RPS6KC1: variants seen among roughly 807,000 people sequenced by gnomAD.
RPS6KC1 encodes ribosomal protein S6 kinase C1.
RPS6KC1 carries 54 observed loss-of-function variants against 103.8 expected under a neutral mutation model. The ratio of observed to expected loss-of-function variants is 0.52; its 90% CI spans 0.42 to 0.65. RPS6KC1 has a LOEUF of 0.65. Ranked by LOEUF, RPS6KC1 falls within the 30% of genes least tolerant of loss-of-function variation. The probability of loss-of-function intolerance (pLI) is 0.00; values close to 1 mark genes in which losing one functional copy is unlikely to be tolerated. For synonymous variants in RPS6KC1, 439 were observed against 438.7 expected, an observed-to-expected ratio of 1.00 and a Z score of -0.01; for missense variants, 1,151 against 1,253.8, an observed-to-expected ratio of 0.92 and a Z score of 1.24.
the RPS6KC1 span, among the ~76,000 whole-genome samples, chr1:213,482,090 G>A: frequency 2.6e-5 from 4 of 152,180 alleles, no homozygotes; most frequent in South Asian, 2.1e-4. Context: ...CCCCAGAAGC[G>A]AAGTGAATGC....
the RPS6KC1 span, among the ~76,000 whole-genome samples, chr1:213,420,166 G>A: frequency 7.2e-5 from 11 of 152,200 alleles, no homozygotes; most frequent in Admixed American, 5.9e-4. Context: ...AAGAGGAAAT[G>A]TGGCTTCCCA....
chr1:213,744,308 AAAAAT>A, the RPS6KC1 span, among the ~76,000 whole-genome samples: 12 of 152,206 alleles, frequency 7.9e-5, no homozygotes, highest in African/African-American at 2.9e-4. Flanking sequence ...ATGATATAAA[AAAAAT>A]AAAAAAAACC....
At chr1:213,713,840 T>C in the RPS6KC1 span, among the ~76,000 whole-genome samples, 2 of 152,212 alleles carry the variant, frequency 1.3e-5, no homozygotes, top group Non-Finnish European at 2.9e-5. Flanking sequence ...TACAGACATA[T>C]TTTGCATTTC....
the RPS6KC1 span, among the ~76,000 whole-genome samples, chr1:213,709,783 A>T: frequency 6.6e-6 from 1 of 152,220 alleles, no homozygotes; most frequent in Non-Finnish European, 1.5e-5. Context: ...TTTACCCAGT[A>T]GTCATTCAGG....
chr1:213,794,131 C>T, the RPS6KC1 span, among the ~76,000 whole-genome samples: 5 of 152,138 alleles, frequency 3.3e-5, no homozygotes, highest in African/African-American at 1.2e-4. Flanking sequence ...ATAAATGCAA[C>T]AATGCAAATA....
chr1:213,063,159 G>T (rs1270850337), intron 1 of RPS6KC1, among the ~76,000 whole-genome samples: 3 of 152,142 alleles, frequency 2.0e-5, no homozygotes, highest in East Asian at 3.8e-4. Context: ...CAAGCCCCTT[G>T]TTTATTTTCT....
At chr1:213,329,528 A>G in the RPS6KC1 span, among the ~76,000 whole-genome samples, 2 of 151,852 alleles carry the variant, frequency 1.3e-5, no homozygotes, top group East Asian at 1.9e-4. Context: ...ACACCACCAG[A>G]TAGAGCCTTC....
At chr1:213,162,694 T>A (rs2090596604) in intron 6 of RPS6KC1, among the ~76,000 whole-genome samples, 1 of 152,248 alleles carries the variant, frequency 6.6e-6, no homozygotes, top group Non-Finnish European at 1.5e-5. Context: ...CTAAGAACAC[T>A]GTCTCTGTAG....
chr1:213,103,518 G>T (rs942653710), intron 3 of RPS6KC1, among the ~76,000 whole-genome samples: 1 of 152,084 alleles, frequency 6.6e-6, no homozygotes, highest in Non-Finnish European at 1.5e-5. Flanking sequence ...TTTAGTTATC[G>T]TGAAATAGAC....
chr1:213,808,210 G>T, the RPS6KC1 span, among the ~76,000 whole-genome samples: 1 of 152,162 alleles, frequency 6.6e-6, no homozygotes, highest in Admixed American at 6.5e-5. Flanking sequence ...TCCCAGTTAG[G>T]CTGCTCAGGG....
At chr1:213,597,966 T>A in the RPS6KC1 span, among the ~76,000 whole-genome samples, 31 of 152,192 alleles carry the variant, frequency 2.0e-4, no homozygotes, top group African/African-American at 6.7e-4. Context: ...AATCTCAGGG[T>A]TGTTTGAAAA....
chr1:213,392,215 T>C, the RPS6KC1 span, among the ~76,000 whole-genome samples: 1 of 152,132 alleles, frequency 6.6e-6, no homozygotes, highest in Non-Finnish European at 1.5e-5. Context: ...GCAGAACCGA[T>C]GGTCTGCTTC....
At chr1:213,736,047 C>T in the RPS6KC1 span, among the ~76,000 whole-genome samples, 4 of 152,210 alleles carry the variant, frequency 2.6e-5, no homozygotes, top group Admixed American at 2.6e-4. Context: ...ATGCCAGGAG[C>T]AGACCTCATC....
the RPS6KC1 span, among the ~76,000 whole-genome samples, chr1:213,633,484 A>G: frequency 6.6e-6 from 1 of 152,222 alleles, no homozygotes; most frequent in Non-Finnish European, 1.5e-5. Context: ...AATCCTTTAC[A>G]GACAAGCAAA....
chr1:213,764,834 G>A, the RPS6KC1 span, among the ~76,000 whole-genome samples: 1 of 152,152 alleles, frequency 6.6e-6, no homozygotes, highest in Non-Finnish European at 1.5e-5. Context: ...AAATTAGAAG[G>A]GCGAGTGTCT....
chr1:213,273,311 A>G lies in RPS6KC1; in HGVS notation c.*677A>G, dbSNP rs920817894. 1 of 152,302 alleles carries G rather than the reference A, an allele frequency of 6.6e-6. No homozygotes were observed. Among genetic ancestry groups the G allele is most frequent in the African/African-American group, 2.4e-5 (1 of 41,312 alleles). The allele number at this position is 152,302 out of a possible 1,614,324, so 9.4% of individuals were successfully genotyped here. The stretch of plus-strand genomic sequence containing the variant: ...TCTTCAACAGCATCTTTCTTTCCCC[A>G]TCTTTCTATTTTCTGCACCCTCTGC... On this transcript the variant is annotated 3_prime_UTR_variant, in exon 15 of 15. Coordinates refer to ENST00000366960, the MANE Select transcript of RPS6KC1 (RefSeq NM_012424.6).
At chr1:213,694,032 A>G in the RPS6KC1 span, among the ~76,000 whole-genome samples, 1 of 152,210 alleles carries the variant, frequency 6.6e-6, no homozygotes, top group Admixed American at 6.5e-5. Context: ...AGCACCCATA[A>G]TCTGATTTTT....
intron 10 of RPS6KC1, among the ~76,000 whole-genome samples, chr1:213,236,913 C>A (rs879588379): frequency 1.4e-4 from 22 of 152,092 alleles, no homozygotes; most frequent in Admixed American, 3.9e-4. Context: ...AAAATAAATT[C>A]AAACAAAATA....
At chr1:213,676,994 T>G in the RPS6KC1 span, among the ~76,000 whole-genome samples, 1 of 152,234 alleles carries the variant, frequency 6.6e-6, no homozygotes, top group African/African-American at 2.4e-5. Flanking sequence ...AGCAGCATGC[T>G]GACAGATAGA....
Sources: allele counts gnomAD v4.1 joint callset (sites outside exome capture counted in the v4.1 genomes callset), GRCh38; gene constraint gnomAD v4.1.1; transcripts MANE v1.5; gene names NCBI Gene and HGNC (gene_info 2026-07-23, HGNC 2026-07-21).